GAN: variants seen among roughly 807,000 people sequenced by gnomAD.
GAN encodes gigaxonin.
In GAN, 48 loss-of-function variants were observed where a neutral mutation model predicts 71.3. The ratio of observed to expected loss-of-function variants is 0.67; its 90% CI spans 0.53 to 0.86. The LOEUF (loss-of-function observed/expected upper bound fraction) is 0.86, where lower values mean the gene tolerates loss of function less well. Ranked by LOEUF, GAN falls within the 40% of genes least tolerant of loss-of-function variation. The pLI is 0.00. For synonymous variants in GAN, 386 were observed against 276.8 expected (o/e 1.39, Z -3.92); for missense variants, 928 against 770.1 (o/e 1.21, Z -2.43).
chr16:81,320,842 A>G (rs544724304), intron 1 of GAN, among the ~76,000 whole-genome samples: 1 of 152,100 alleles, frequency 6.6e-6, no homozygotes, highest in Non-Finnish European at 1.5e-5. Context: ...GTTCCTAACA[A>G]CTGCTCAGAA....
rs567734829 is a variant in GAN, at chr16:81,390,008, C to T, written c.*12412C>T. ...CTGCAGAATAGTATTTCTTTTAAATCCTGCAACTTTATTATCTAGTAGAAT... is the reference window on the plus strand; with the variant it reads ...CTGCAGAATAGTATTTCTTTTAAATTCTGCAACTTTATTATCTAGTAGAAT... On this transcript the variant is annotated 3_prime_UTR_variant, in exon 11 of 11. Transcript: ENST00000648994. The T allele has an allele frequency of 1.3e-5, 2 of 152,172 alleles. No homozygotes were observed. The highest frequency in any genetic ancestry group is 3.9e-4 in the East Asian group (2 of 5,178). 9.4% of individuals were successfully genotyped at this position (152,172 alleles called of 1,614,324 possible).
chr16:81,334,046 G>A (rs540285430), intron 1 of GAN, among the ~76,000 whole-genome samples: 43 of 152,272 alleles, frequency 2.8e-4, no homozygotes, highest in Non-Finnish European at 2.8e-4. Context: ...CCTTCTTTGA[G>A]ATAAATTTCT....
chr16:81,341,698 A>G (rs1478001443), intron 1 of GAN, among the ~76,000 whole-genome samples: 2 of 152,194 alleles, frequency 1.3e-5, no homozygotes, highest in African/African-American at 4.8e-5. Context: ...TGTAAAGACC[A>G]TCGATGCTGT....
intron 9 of GAN, among the ~76,000 whole-genome samples, chr16:81,370,945 C>T (rs1424887500): frequency 6.6e-6 from 1 of 152,172 alleles, no homozygotes; most frequent in African/African-American, 2.4e-5. Context: ...CTTCAACTTT[C>T]CACAGAGCAC....
At chr16:81,348,598 C>T (rs555277774) in intron 1 of GAN, among the ~76,000 whole-genome samples, 1 of 152,332 alleles carries the variant, frequency 6.6e-6, no homozygotes, top group East Asian at 1.9e-4. Context: ...GCTGGGGGCC[C>T]TGTCCAGCCA....
intron 1 of GAN, among the ~76,000 whole-genome samples, chr16:81,324,927 G>A (rs1399510983): frequency 6.6e-6 from 1 of 152,182 alleles, no homozygotes; most frequent in Non-Finnish European, 1.5e-5. Context: ...GGATGCCCTG[G>A]GCCAGGTTTG....
intron 9 of GAN, among the ~76,000 whole-genome samples, chr16:81,365,856 C>T (rs965867098): frequency 6.6e-6 from 1 of 151,954 alleles, no homozygotes; most frequent in African/African-American, 2.4e-5. Context: ...AGAGATTTGC[C>T]TGGGCCACAT....
Position 81,388,641 on chromosome 16 carries a change from CG to C in GAN, c.*11047del, listed in dbSNP as rs1904474157. ...GCAGCCCCAGGCTCCCGGACGTGCT[CG>C]GCCCGGTGGCCTCTTGTGTGACAGG... On this transcript the variant is annotated 3_prime_UTR_variant, in exon 11 of 11. Transcript: ENST00000648994. The C allele has an allele frequency of 6.6e-6, 1 of 152,516 alleles. No homozygotes were observed. The highest frequency in any genetic ancestry group is 1.5e-5 in the Non-Finnish European group (1 of 68,268). The allele number at this position is 152,516 out of a possible 1,614,324, so 9.4% of individuals were successfully genotyped here. A position where few individuals can be genotyped will look rare whatever the true frequency, so the allele number is the denominator to read the frequency against.
intron 1 of GAN, among the ~76,000 whole-genome samples, chr16:81,351,220 C>T (rs1212969526): frequency 2.0e-5 from 3 of 152,050 alleles, no homozygotes; most frequent in Admixed American, 1.3e-4. Context: ...TTTTGGATGG[C>T]AGGTTTGTGG....
At chr16:81,320,472 A>T (rs947878592) in intron 1 of GAN, among the ~76,000 whole-genome samples, 2 of 152,228 alleles carry the variant, frequency 1.3e-5, no homozygotes, top group Non-Finnish European at 2.9e-5. Flanking sequence ...TTCCCTGGTA[A>T]TGAGAGTCTG....
intron 1 of GAN, among the ~76,000 whole-genome samples, chr16:81,332,569 C>T (rs954589545): frequency 7.2e-5 from 11 of 152,184 alleles, no homozygotes; most frequent in Non-Finnish European, 1.2e-4. Context: ...CGGGTGCCAC[C>T]TCTGTGAAGC....
At chr16:81,318,540 CT>C (rs1414073038) in intron 1 of GAN, among the ~76,000 whole-genome samples, 2 of 152,282 alleles carry the variant, frequency 1.3e-5, no homozygotes, top group East Asian at 3.9e-4. Context: ...GCAGTATTGT[CT>C]TTTGCTTACT....
intron 1 of GAN, among the ~76,000 whole-genome samples, chr16:81,331,218 A>C (rs555988965): frequency 2.0e-5 from 3 of 152,288 alleles, no homozygotes; most frequent in African/African-American, 7.2e-5. Flanking sequence ...GAAAAAAGGC[A>C]AATCCAAGTT....
chr16:81,367,709 C>G (rs989897934), intron 9 of GAN, among the ~76,000 whole-genome samples: 1 of 152,154 alleles, frequency 6.6e-6, no homozygotes, highest in Non-Finnish European at 1.5e-5. Context: ...ATTTAATCTT[C>G]AAAACAGCAC....
intron 1 of GAN, among the ~76,000 whole-genome samples, chr16:81,350,125 C>G (rs1441882219): frequency 4.6e-5 from 7 of 151,670 alleles, no homozygotes; most frequent in African/African-American, 1.7e-4. Context: ...AAGTTCATGT[C>G]TGTTAAATGA....
Position 81,357,411 on chromosome 16 carries a change from C to G in GAN, c.852-399C>G, listed in dbSNP as rs142969899. 1.4e-3 allele frequency among the ~76,000 whole-genome samples: 213 copies of G among 152,286 alleles called. 5 individuals are homozygous for G. In the East Asian group the frequency reaches 0.038, roughly 27 times the overall value. On this transcript the variant is annotated intron_variant, in intron 4 of 10. Transcript: ENST00000648994. ...TGAGAATGATGATTTCCAATTTCATCCATGTCCCTACAAAGGACATGAACT... is the reference window on the plus strand; with the variant it reads ...TGAGAATGATGATTTCCAATTTCATGCATGTCCCTACAAAGGACATGAACT...
At chr16:81,376,535 G>A (rs1352962439) in intron 9 of GAN, among the ~76,000 whole-genome samples, 1 of 147,790 alleles carries the variant, frequency 6.8e-6, no homozygotes, top group Non-Finnish European at 1.5e-5. Context: ...ACATATATGT[G>A]TATATGTATA....
At chr16:81,368,906 C>T (rs1910948339) in intron 9 of GAN, among the ~76,000 whole-genome samples, 1 of 152,180 alleles carries the variant, frequency 6.6e-6, no homozygotes, top group Non-Finnish European at 1.5e-5. Flanking sequence ...TTGACTGTTT[C>T]CCACTGCTTA....
intron 7 of GAN, 132 bp downstream of exon 7, chr16:81,364,075 A>T (rs907244199): frequency 7.5e-6 from 6 of 801,550 alleles, no homozygotes; most frequent in Admixed American, 1.8e-5. Flanking sequence ...AACTCTCTTT[A>T]TCGGTAGTTT....
Sources: allele counts gnomAD v4.1 joint callset (sites outside exome capture counted in the v4.1 genomes callset), GRCh38; gene constraint gnomAD v4.1.1; transcripts MANE v1.5; gene names NCBI Gene and HGNC (gene_info 2026-07-23, HGNC 2026-07-21).